C10orf62: variants seen among roughly 807,000 people sequenced by gnomAD.
The protein encoded by C10orf62 is uncharacterized protein C10orf62.
For missense variants in C10orf62, 279 were observed against 281.9 expected (o/e 0.99, Z 0.07); for synonymous variants, 94 against 109.7 (o/e 0.86, Z 0.89).
Position 97,590,053 on chromosome 10 carries a change from T to G in C10orf62, c.156T>G (p.Asn52Lys), listed in dbSNP as rs1427228616. The change falls in exon 1 of 1, where the codon AAT (asparagine) becomes AAG (lysine). Residue 52 changes from asparagine to lysine, a missense_variant. Transcript: ENST00000370640. ...LSEEKLALDN[N>K]ASASGNATQT... ...AAGAGAAGCTGGCCCTCGACAACAATGCCAGCGCTAGTGGCAATGCTACCC... is the reference window on the plus strand; with the variant it reads ...AAGAGAAGCTGGCCCTCGACAACAAGGCCAGCGCTAGTGGCAATGCTACCC... 1 of 1,614,004 alleles carries G rather than the reference T, an allele frequency of 6.2e-7. No homozygotes were observed. The highest frequency in any genetic ancestry group is 1.7e-5 in the Admixed American group (1 of 59,982).
Position 97,590,204 on chromosome 10 carries a change from C to A in C10orf62, c.307C>A (p.Pro103Thr), listed in dbSNP as rs373892055. The change falls in exon 1 of 1, where the codon CCC becomes ACC. Residue 103 changes from proline to threonine, a missense_variant. Pro to Thr is a conservative substitution (Grantham distance 38). Coordinates refer to ENST00000370640, the MANE Select transcript of C10orf62 (RefSeq NM_001009997.3). ...SFTSRQKTSGPSVIQEIHQES... is the reference protein window; with the variant it reads ...SFTSRQKTSGTSVIQEIHQES... ...CACCAGCAGGCAGAAGACATCTGGG[C>A]CCTCAGTGATCCAAGAGATCCACCA... 29 of 1,613,830 alleles carry A rather than the reference C, an allele frequency of 1.8e-5. No individual in the cohort carries two copies. The highest frequency in any genetic ancestry group is 2.7e-5 in the African/African-American group (2 of 74,894).
chr10:97,590,099 G>A lies in C10orf62; in HGVS notation c.202G>A (p.Glu68Lys), dbSNP rs376893298. Reference protein sequence around the residue: ...NATQTESGSEEVSSTVHIETF... With the variant: ...NATQTESGSEKVSSTVHIETF... ...TACCCAGACTGAGAGTGGGAGTGAAGAGGTCAGCTCCACGGTTCACATAGA... is the reference window on the plus strand; with the variant it reads ...TACCCAGACTGAGAGTGGGAGTGAAAAGGTCAGCTCCACGGTTCACATAGA... The change falls in exon 1 of 1, where the codon GAG (glutamate) becomes AAG (lysine). Residue 68 changes from glutamate (E) to lysine (K), a missense_variant. Physicochemically the swap from Glu to Lys is moderately conservative, Grantham distance 56. Transcript: ENST00000370640. The A allele has an allele frequency of 3.0e-5, 49 of 1,614,034 alleles. No individual in the cohort carries two copies. The highest frequency in any genetic ancestry group is 3.3e-4 in the Middle Eastern group (2 of 6,084).
Position 97,590,121 on chromosome 10 carries a change from T to A in C10orf62, c.224T>A (p.Ile75Lys), listed in dbSNP as rs750026258. 1.2e-6 allele frequency: 2 copies of A among 1,614,102 alleles called. No individual in the cohort carries two copies. Among genetic ancestry groups the A allele is most frequent in the Admixed American group, 3.3e-5 (2 of 60,022 alleles). The change falls in exon 1 of 1, where the codon ATA (isoleucine) becomes AAA (lysine). Residue 75 changes from isoleucine to lysine, a missense_variant. Transcript: ENST00000370640. ...GAAGAGGTCAGCTCCACGGTTCACA[T>A]AGAGACCTTCACCACGAGGCACGGA... ...GSEEVSSTVH[I>K]ETFTTRHGEV...
At position 97,589,758 on chromosome 10, in the gene C10orf62, C is replaced by G; in HGVS notation, c.-140C>G. The G allele has an allele frequency of 1.4e-6, 1 of 699,368 alleles. No homozygotes were observed. Among genetic ancestry groups the G allele is most frequent in the East Asian group, 2.5e-5 (1 of 40,264 alleles). The allele number at this position is 699,368 out of a possible 1,614,324, so 43.3% of individuals were successfully genotyped here. ...GGAGCCTGCCCTTTCAAGCATGAATCATACCACCAGAGATCACCCAGCGTG... is the reference window on the plus strand; with the variant it reads ...GGAGCCTGCCCTTTCAAGCATGAATGATACCACCAGAGATCACCCAGCGTG... On this transcript the variant is annotated 5_prime_UTR_variant, in exon 1 of 1. It adds an upstream start codon to the 5' untranslated region. Transcript: ENST00000370640.
chr10:97,590,127 C>T lies in C10orf62; in HGVS notation c.230C>T (p.Thr77Ile). 1 of 1,614,130 alleles carries T rather than the reference C, an allele frequency of 6.2e-7. No individual in the cohort carries two copies. The highest frequency in any genetic ancestry group is 8.5e-7 in the Non-Finnish European group (1 of 1,180,012). Reference sequence around the variant, plus strand: ...GTCAGCTCCACGGTTCACATAGAGACCTTCACCACGAGGCACGGAGAAGTG... The same window carrying T: ...GTCAGCTCCACGGTTCACATAGAGATCTTCACCACGAGGCACGGAGAAGTG... ...EEVSSTVHIE[T>I]FTTRHGEVGS... The change falls in exon 1 of 1, where the codon ACC becomes ATC. Residue 77 changes from threonine to isoleucine, a missense_variant. Transcript: ENST00000370640.
At position 97,590,605 on chromosome 10, in the gene C10orf62, G is replaced by A; in HGVS notation, c.*36G>A. 6.3e-7 allele frequency: 1 copy of A among 1,591,198 alleles called. No individual in the cohort carries two copies. The highest frequency in any genetic ancestry group is 8.6e-7 in the Non-Finnish European group (1 of 1,166,080). On this transcript the variant is annotated 3_prime_UTR_variant, in exon 1 of 1. Coordinates refer to ENST00000370640, the MANE Select transcript of C10orf62 (RefSeq NM_001009997.3). Reference sequence around the variant, plus strand: ...TCTTGGAAGCCACCTAACCATGGATGGAGACGCCCCTGCCCCCAGCAAGGC... The same window carrying A: ...TCTTGGAAGCCACCTAACCATGGATAGAGACGCCCCTGCCCCCAGCAAGGC...
At position 97,589,880 on chromosome 10, in the gene C10orf62, C is replaced by T; in HGVS notation, c.-18C>T. 6.2e-7 allele frequency: 1 copy of T among 1,600,636 alleles called. No individual in the cohort carries two copies. The highest frequency in any genetic ancestry group is 8.5e-7 in the Non-Finnish European group (1 of 1,170,544). On this transcript the variant is annotated 5_prime_UTR_variant, in exon 1 of 1. Transcript: ENST00000370640. ...GGTGGTGCTGGGGACTGCCCTCTTG[C>T]TAGGAGGTGGAGGTCTCATGCTGTG... is the stretch of plus-strand genomic sequence containing the variant.
Position 97,590,183 on chromosome 10 carries a change from A to G in C10orf62, c.286A>G (p.Ser96Gly). ...CGCTCTGCACCGGGAATCCTTCACC[A>G]GCAGGCAGAAGACATCTGGGCCCTC... ...GSALHRESFTSRQKTSGPSVI... is the reference protein window; with the variant it reads ...GSALHRESFTGRQKTSGPSVI... Residue 96 changes from serine to glycine, a missense_variant, in exon 1 of 1, where the codon AGC (serine) becomes GGC (glycine). Coordinates refer to ENST00000370640, the MANE Select transcript of C10orf62 (RefSeq NM_001009997.3). The G allele has an allele frequency of 6.2e-7, 1 of 1,614,076 alleles. No individual in the cohort carries two copies. Among genetic ancestry groups the G allele is most frequent in the South Asian group, 1.1e-5 (1 of 91,082 alleles).
rs948601324 is a variant in C10orf62, at chr10:97,590,783, C to T, written c.*214C>T. ...TGGGGTCTGCCACAGAAGATGGCCC[C>T]TGTTGGAGGGAGAGCTGGGAGGACA... On this transcript the variant is annotated 3_prime_UTR_variant, in exon 1 of 1. Coordinates refer to ENST00000370640, the MANE Select transcript of C10orf62 (RefSeq NM_001009997.3). 1.5e-5 allele frequency: 9 copies of T among 614,496 alleles called. No individual in the cohort carries two copies. The highest frequency in any genetic ancestry group is 2.6e-5 in the Non-Finnish European group (9 of 340,130). 38.1% of individuals were successfully genotyped at this position (614,496 alleles called of 1,614,324 possible). A position where few individuals can be genotyped will look rare whatever the true frequency, so the allele number is the denominator to read the frequency against.
In C10orf62 at chr10:97,590,720, C is replaced by A. The variant is rs924410684; in HGVS notation, c.*151C>A. The A allele has an allele frequency of 4.2e-5, 30 of 717,548 alleles. No individual in the cohort carries two copies. In the Admixed American group the frequency reaches 7.2e-4, roughly 17 times the overall value. The allele number at this position is 717,548 out of a possible 1,614,324, so 44.4% of individuals were successfully genotyped here. A position where few individuals can be genotyped will look rare whatever the true frequency, so the allele number is the denominator to read the frequency against. On this transcript the variant is annotated 3_prime_UTR_variant, in exon 1 of 1. Coordinates refer to ENST00000370640, the MANE Select transcript of C10orf62 (RefSeq NM_001009997.3). ...GTGCCCAAATCCCTACTTTCTTAGG[C>A]TCCTCACGGGGATTATGGGCTCTTT... is the stretch of plus-strand genomic sequence containing the variant.
At position 97,589,827 on chromosome 10, in the gene C10orf62, T is replaced by G. The variant is rs2041003489; in HGVS notation, c.-71T>G. The G allele has an allele frequency of 8.0e-7, 1 of 1,242,238 alleles. No individual in the cohort carries two copies. The highest frequency in any genetic ancestry group is 1.9e-5 in the Admixed American group (1 of 53,024). 77.0% of individuals were successfully genotyped at this position (1,242,238 alleles called of 1,614,324 possible). ...TGGTGTAGGGTCCTGGAGACCTTCTTGGAGCTCATCCAGCAGCCATCATGC... is the reference window on the plus strand; with the variant it reads ...TGGTGTAGGGTCCTGGAGACCTTCTGGGAGCTCATCCAGCAGCCATCATGC... On this transcript the variant is annotated 5_prime_UTR_variant, in exon 1 of 1. Coordinates refer to ENST00000370640, the MANE Select transcript of C10orf62 (RefSeq NM_001009997.3).
rs1419934558 is a variant in C10orf62, at chr10:97,590,393, G to A, written c.496G>A (p.Glu166Lys). 6.2e-7 allele frequency: 1 copy of A among 1,614,160 alleles called. No individual in the cohort carries two copies. The highest frequency in any genetic ancestry group is 1.1e-5 in the South Asian group (1 of 91,076). The change falls in exon 1 of 1, where the codon GAG (glutamate) becomes AAG (lysine). Residue 166 changes from glutamate to lysine, a missense_variant. Coordinates refer to ENST00000370640, the MANE Select transcript of C10orf62 (RefSeq NM_001009997.3). ...CCTAGAGTCCAAGGACATCAACCAGGAGGAGCTGAGGGCCCTCGAGGAGGT... is the reference window on the plus strand; with the variant it reads ...CCTAGAGTCCAAGGACATCAACCAGAAGGAGCTGAGGGCCCTCGAGGAGGT... ...GHLESKDINQ[E>K]ELRALEEVEM...
Position 97,590,276 on chromosome 10 carries a change from G to A in C10orf62, c.379G>A (p.Val127Met). The A allele has an allele frequency of 6.2e-7, 1 of 1,613,780 alleles. No homozygotes were observed. The highest frequency in any genetic ancestry group is 1.3e-5 in the African/African-American group (1 of 75,042). ...PSTDEATWAA[V>M]AACTKEIDTQ... ...CACTGATGAGGCCACGTGGGCCGCT[G>A]TGGCTGCCTGCACCAAGGAGATTGA... Residue 127 changes from valine to methionine, a missense_variant, in exon 1 of 1, where the codon GTG becomes ATG. Physicochemically the swap from Val to Met is conservative, Grantham distance 21. Coordinates refer to ENST00000370640, the MANE Select transcript of C10orf62 (RefSeq NM_001009997.3).
In C10orf62 at chr10:97,589,953, A is replaced by T. The variant is rs748267007; in HGVS notation, c.56A>T (p.Asp19Val). 2 of 1,614,010 alleles carry T rather than the reference A, an allele frequency of 1.2e-6. No homozygotes were observed. The highest frequency in any genetic ancestry group is 1.7e-6 in the Non-Finnish European group (2 of 1,179,908). Residue 19 changes from aspartate (D) to valine (V), a missense_variant, in exon 1 of 1, where the codon GAC (aspartate) becomes GTC (valine). Transcript: ENST00000370640. ...AAGGAAACCTCTGAGTGTCCATCAG[A>T]CAAGGACAAGTCACCAGAATCCCAT... ...RRKETSECPSDKDKSPESHKA... is the reference protein window; with the variant it reads ...RRKETSECPSVKDKSPESHKA...
chr10:97,590,465 A>G lies in C10orf62; in HGVS notation c.568A>G (p.Ile190Val). Reference sequence around the variant, plus strand: ...TTTCCTCACCCAGCGGGAAAACACCATAGCTGGTGCCAATCACACACACAC... The same window carrying G: ...TTTCCTCACCCAGCGGGAAAACACCGTAGCTGGTGCCAATCACACACACAC... ...KNFLTQRENT[I>V]AGANHTHTFY... is the part of the protein sequence containing the mutation. Residue 190 changes from isoleucine to valine, a missense_variant, in exon 1 of 1, where the codon ATA (isoleucine) becomes GTA (valine). Ile to Val is a conservative substitution (Grantham distance 29). Coordinates refer to ENST00000370640, the MANE Select transcript of C10orf62 (RefSeq NM_001009997.3). 6.2e-7 allele frequency: 1 copy of G among 1,613,722 alleles called. No homozygotes were observed. The highest frequency in any genetic ancestry group is 8.5e-7 in the Non-Finnish European group (1 of 1,180,016).
chr10:97,590,427 A>G lies in C10orf62; in HGVS notation c.530A>G (p.Lys177Arg). 6.2e-7 allele frequency: 1 copy of G among 1,614,094 alleles called. No individual in the cohort carries two copies. The highest frequency in any genetic ancestry group is 8.5e-7 in the Non-Finnish European group (1 of 1,180,016). ...ELRALEEVEMKLQKNFLTQRE... is the reference protein window; with the variant it reads ...ELRALEEVEMRLQKNFLTQRE... ...AGGGCCCTCGAGGAGGTAGAGATGA[A>G]GCTGCAAAAGAATTTCCTCACCCAG... Residue 177 changes from lysine (K) to arginine (R), a missense_variant, in exon 1 of 1, where the codon AAG (lysine) becomes AGG (arginine). Transcript: ENST00000370640.
Position 97,590,226 on chromosome 10 carries a change from A to C in C10orf62, c.329A>C (p.His110Pro). 6.2e-7 allele frequency: 1 copy of C among 1,613,912 alleles called. No homozygotes were observed. The highest frequency in any genetic ancestry group is 1.1e-5 in the South Asian group (1 of 91,074). Residue 110 changes from histidine (H) to proline (P), a missense_variant, in exon 1 of 1, where the codon CAC becomes CCC. By Grantham distance (77) the His-to-Pro change is moderately conservative. Transcript: ENST00000370640. ...GGGCCCTCAGTGATCCAAGAGATCC[A>C]CCAGGAGTCTGGAAAAGCCCCATCC... ...TSGPSVIQEI[H>P]QESGKAPSTD...
Position 97,590,710 on chromosome 10 carries a change from C to A in C10orf62, c.*141C>A. 1 of 747,662 alleles carries A rather than the reference C, an allele frequency of 1.3e-6. No homozygotes were observed. Among genetic ancestry groups the A allele is most frequent in the Non-Finnish European group, 2.2e-6 (1 of 454,298 alleles). 46.3% of individuals were successfully genotyped at this position (747,662 alleles called of 1,614,324 possible). A position where few individuals can be genotyped will look rare whatever the true frequency, so the allele number is the denominator to read the frequency against. Reference sequence around the variant, plus strand: ...GTGAGATGCTGTGCCCAAATCCCTACTTTCTTAGGCTCCTCACGGGGATTA... The same window carrying A: ...GTGAGATGCTGTGCCCAAATCCCTAATTTCTTAGGCTCCTCACGGGGATTA... On this transcript the variant is annotated 3_prime_UTR_variant, in exon 1 of 1. Coordinates refer to ENST00000370640, the MANE Select transcript of C10orf62 (RefSeq NM_001009997.3).
chr10:97,589,780 C>A lies in C10orf62; in HGVS notation c.-118C>A. ...AATCATACCACCAGAGATCACCCAG[C>A]GTGCTCTTAGCTCTGCCTGCCTGGT... On this transcript the variant is annotated 5_prime_UTR_variant, in exon 1 of 1. Coordinates refer to ENST00000370640, the MANE Select transcript of C10orf62 (RefSeq NM_001009997.3). The A allele has an allele frequency of 1.3e-6, 1 of 745,460 alleles. No homozygotes were observed. Among genetic ancestry groups the A allele is most frequent in the South Asian group, 1.7e-5 (1 of 58,194 alleles). The allele number at this position is 745,460 out of a possible 1,614,324, so 46.2% of individuals were successfully genotyped here. A position where few individuals can be genotyped will look rare whatever the true frequency, so the allele number is the denominator to read the frequency against.
Sources: allele counts gnomAD v4.1 joint callset, GRCh38; gene constraint gnomAD v4.1.1; transcripts MANE v1.5; gene names NCBI Gene and HGNC (gene_info 2026-07-23, HGNC 2026-07-21).